The following SGCZ variants were observed in gnomAD, a reference collection of about 807,000 sequenced individuals.
SGCZ encodes zeta-sarcoglycan.
Under a neutral mutation model 41.3 loss-of-function variants are expected in SGCZ, and 40 were observed. That is an observed-to-expected ratio of 0.97 (90% CI 0.75 to 1.26). SGCZ has a LOEUF of 1.26. SGCZ is among the 50% of genes most tolerant of loss of function. SGCZ has a pLI of 0.00. For missense variants in SGCZ, 552 were observed against 369.8 expected, an observed-to-expected ratio of 1.49 and a Z score of -4.04; for synonymous variants, 206 against 137.5, an observed-to-expected ratio of 1.50 and a Z score of -3.49.
At chr8:15,028,591 T>G (rs1016083820) in intron 1 of SGCZ, among the ~76,000 whole-genome samples, 4 of 152,100 alleles carry the variant, frequency 2.6e-5, no homozygotes, top group African/African-American at 9.7e-5. Flanking sequence ...ACTATCCAGA[T>G]AAACTTGCTG....
chr8:14,457,258 G>T (rs1010106870), intron 2 of SGCZ, among the ~76,000 whole-genome samples: 3 of 152,220 alleles, frequency 2.0e-5, no homozygotes, highest in Middle Eastern at 3.2e-3. Flanking sequence ...ATAGTGAGGT[G>T]TAACTAGAAA....
At chr8:14,159,013 C>A (rs1053312535) in intron 5 of SGCZ, among the ~76,000 whole-genome samples, 1 of 152,134 alleles carries the variant, frequency 6.6e-6, no homozygotes, top group Non-Finnish European at 1.5e-5. Flanking sequence ...AAATGATCTG[C>A]CCTCCTTGGC....
chr8:14,110,780 C>G (rs1015235139), intron 5 of SGCZ, among the ~76,000 whole-genome samples: 7 of 152,064 alleles, frequency 4.6e-5, no homozygotes, highest in Admixed American at 1.3e-4. Flanking sequence ...AGAAAATGCA[C>G]AGTGGCTCGT....
At chr8:14,851,257 T>C (rs1214454760) in intron 1 of SGCZ, among the ~76,000 whole-genome samples, 1 of 148,178 alleles carries the variant, frequency 6.7e-6, no homozygotes, top group Non-Finnish European at 1.5e-5. Flanking sequence ...TAGTCCCTGC[T>C]ACTTGGGAGG....
intron 2 of SGCZ, among the ~76,000 whole-genome samples, chr8:14,486,432 T>G (rs1299515942): frequency 4.6e-5 from 7 of 152,200 alleles, no homozygotes; most frequent in Admixed American, 4.6e-4. Context: ...TTTAACACAT[T>G]GTATTTGGTG....
intron 7 of SGCZ, among the ~76,000 whole-genome samples, chr8:14,098,536 A>G (rs1801914075): frequency 6.6e-6 from 1 of 152,116 alleles, no homozygotes; most frequent in African/African-American, 2.4e-5. Context: ...ACACCTTTTC[A>G]GGAGCTAGCA....
intron 2 of SGCZ, among the ~76,000 whole-genome samples, chr8:14,513,788 C>G (rs895625999): frequency 1.3e-5 from 2 of 152,028 alleles, no homozygotes; most frequent in African/African-American, 4.8e-5. Context: ...TGCACCAGCC[C>G]CAATATATCG....
intron 1 of SGCZ, among the ~76,000 whole-genome samples, chr8:14,565,895 AT>A (rs562632937): frequency 1.2e-4 from 18 of 151,568 alleles, no homozygotes; most frequent in African/African-American, 3.9e-4. Flanking sequence ...TTGGAACGTC[AT>A]TTTTTTTTCC....
chr8:14,877,452 C>T (rs1158081628), intron 1 of SGCZ, among the ~76,000 whole-genome samples: 1 of 152,140 alleles, frequency 6.6e-6, no homozygotes, highest in Admixed American at 6.6e-5. Flanking sequence ...GAAAATCCAA[C>T]TGCTTCTAAA....
intron 2 of SGCZ, among the ~76,000 whole-genome samples, chr8:14,422,607 AT>A (rs1323466112): frequency 6.6e-6 from 1 of 152,222 alleles, no homozygotes; most frequent in African/African-American, 2.4e-5. Context: ...AATGCCTTGT[AT>A]AAAAAAGAAT....
intron 2 of SGCZ, among the ~76,000 whole-genome samples, chr8:14,514,576 C>T (rs12386977): frequency 0.081 from 12,194 of 150,554 alleles, 817 homozygotes; most frequent in African/African-American, 0.19. Context: ...CCCTCTCATA[C>T]ATATATATTA....
At chr8:14,294,164 A>T (rs1800936579) in intron 3 of SGCZ, among the ~76,000 whole-genome samples, 1 of 151,968 alleles carries the variant, frequency 6.6e-6, no homozygotes, top group Non-Finnish European at 1.5e-5. Context: ...TTAAATTATT[A>T]TGTAGACTAA....
intron 1 of SGCZ, among the ~76,000 whole-genome samples, chr8:14,717,560 G>T (rs367923112): frequency 6.6e-6 from 1 of 152,094 alleles, no homozygotes; most frequent in Non-Finnish European, 1.5e-5. Context: ...TGAGAAAGTC[G>T]TCTTGGGGAC....
chr8:14,643,391 C>G (rs1248846316), intron 1 of SGCZ, among the ~76,000 whole-genome samples: 1 of 151,372 alleles, frequency 6.6e-6, no homozygotes, highest in East Asian at 1.9e-4. Context: ...GCAAGTAGCT[C>G]TGAATAAGAA....
chr8:15,184,695 G>A lies in SGCZ; in HGVS notation c.39+52890C>T, dbSNP rs1430558359. ...CACACCCTTCCTGCTTTGGTGTTCCGGAAGCGGAAGCCACGGGTCGAGTCT... is the reference window on the plus strand; with the variant it reads ...CACACCCTTCCTGCTTTGGTGTTCCAGAAGCGGAAGCCACGGGTCGAGTCT... On this transcript the variant is annotated intron_variant, in intron 1 of 7. Transcript: ENST00000382080. Among the ~76,000 whole-genome samples, 5 of 152,186 alleles carry A rather than the reference G, an allele frequency of 3.3e-5. No individual in the cohort carries two copies. The South Asian group carries it at 8.3e-4, about 25-fold the overall frequency.
chr8:14,105,041 T>G (rs1398169070), intron 6 of SGCZ, among the ~76,000 whole-genome samples: 1 of 152,128 alleles, frequency 6.6e-6, no homozygotes, highest in African/African-American at 2.4e-5. Flanking sequence ...TAACTATATA[T>G]TAATGTAAGA....
chr8:15,199,386 G>T (rs1408861081), intron 1 of SGCZ, among the ~76,000 whole-genome samples: 1 of 152,140 alleles, frequency 6.6e-6, no homozygotes, highest in Non-Finnish European at 1.5e-5. Flanking sequence ...ATTAAATACA[G>T]AATTTATTTC....
intron 1 of SGCZ, among the ~76,000 whole-genome samples, chr8:14,841,996 G>C (rs1309760293): frequency 6.6e-6 from 1 of 152,220 alleles, no homozygotes; most frequent in Non-Finnish European, 1.5e-5. Context: ...GTATAAGTAT[G>C]TGTGGACTTC....
chr8:15,088,013 T>C (rs922626692), intron 1 of SGCZ, among the ~76,000 whole-genome samples: 3 of 141,962 alleles, frequency 2.1e-5, no homozygotes, highest in African/African-American at 9.4e-5. Context: ...TCTCTCTCAC[T>C]CCACATTAAC....
Sources: allele counts gnomAD v4.1 joint callset (sites outside exome capture counted in the v4.1 genomes callset), GRCh38; gene constraint gnomAD v4.1.1; transcripts MANE v1.5; gene names NCBI Gene and HGNC (gene_info 2026-07-23, HGNC 2026-07-21).